LMBRD1: variants seen among roughly 807,000 people sequenced by gnomAD.
LMBRD1 encodes lysosomal cobalamin transport escort protein LMBD1.
A neutral mutation model predicts 74.8 loss-of-function variants in LMBRD1; 64 were observed. The ratio of observed to expected loss-of-function variants is 0.86; its 90% CI spans 0.70 to 1.05. The LOEUF (loss-of-function observed/expected upper bound fraction) is 1.05, where lower values mean the gene tolerates loss of function less well. Among genes scored for constraint, LMBRD1 ranks in the 50% least tolerant of loss-of-function variants. The pLI is 0.00. For missense variants in LMBRD1, 652 were observed against 645.9 expected, an observed-to-expected ratio of 1.01 and a Z score of -0.10; for synonymous variants, 204 against 216.3, an observed-to-expected ratio of 0.94 and a Z score of 0.50.
At chr6:69,692,728 T>A (rs1338978729) in intron 14 of LMBRD1, among the ~76,000 whole-genome samples, 2 of 152,160 alleles carry the variant, frequency 1.3e-5, no homozygotes, top group Non-Finnish European at 2.9e-5. Context: ...CAGGGCAGAA[T>A]AAATCACCAT....
intron 2 of LMBRD1, 30 bp from the exon 3 acceptor site, chr6:69,780,584 A>C (rs767829749): frequency 1.7e-5 from 26 of 1,516,356 alleles, no homozygotes; most frequent in Non-Finnish European, 2.3e-5. Context: ...TAGAAATATT[A>C]ATGAAACACC....
chr6:69,741,872 A>C lies in LMBRD1; in HGVS notation c.479T>G (p.Phe160Cys). The change falls in exon 6 of 16, where the codon TTT becomes TGT. Residue 160 changes from phenylalanine (F) to cysteine (C), a missense_variant. Around this residue, in one of 3 missense-constraint regions of LMBRD1, gnomAD observed 598 missense variants for 581.8 expected, o/e 1.03. Transcript: ENST00000649934. ...ICALLLLVGAFVPLNVPNNKN... is the reference protein window; with the variant it reads ...ICALLLLVGACVPLNVPNNKN... The stretch of plus-strand genomic sequence containing the variant: ...GTTATTGGGAACATTCAATGGAACA[A>C]AGGCACTACAAAAGAGAAAATAATT... 4.4e-6 allele frequency: 7 copies of C among 1,573,638 alleles called. No individual in the cohort carries two copies. The highest frequency in any genetic ancestry group is 6.1e-6 in the Non-Finnish European group (7 of 1,143,636).
At chr6:69,782,423 TTATTC>T (rs1765856110) in intron 2 of LMBRD1, among the ~76,000 whole-genome samples, 9 of 152,174 alleles carry the variant, frequency 5.9e-5, no homozygotes, top group Admixed American at 5.2e-4. Flanking sequence ...TCCAAGGTGT[TTATTC>T]TACCTGCAAG....
chr6:69,737,719 G>A (rs1767006491), intron 7 of LMBRD1, among the ~76,000 whole-genome samples: 1 of 150,954 alleles, frequency 6.6e-6, no homozygotes, highest in African/African-American at 2.4e-5. Flanking sequence ...CCACCTTCAA[G>A]GTTCATAAGT....
chr6:69,761,047 T>C (rs1765362189), intron 3 of LMBRD1, among the ~76,000 whole-genome samples: 2 of 152,270 alleles, frequency 1.3e-5, no homozygotes, highest in Middle Eastern at 3.4e-3. Flanking sequence ...AAAGAAACTG[T>C]GAAATAAGGT....
chr6:69,781,325 T>G (rs1011547049), intron 2 of LMBRD1, among the ~76,000 whole-genome samples: 3 of 152,160 alleles, frequency 2.0e-5, no homozygotes, highest in African/African-American at 7.2e-5. Context: ...CTCTAAATTC[T>G]GTGCATGTGA....
At chr6:69,705,448 T>G in intron 9 of LMBRD1, 2 of 1,324,070 alleles carry the variant, frequency 1.5e-6, no homozygotes, top group South Asian at 2.4e-5. Context: ...TCTACAGAAC[T>G]AGGTCCTTTT....
At chr6:69,707,757 C>T (rs552282550) in intron 9 of LMBRD1, among the ~76,000 whole-genome samples, 4 of 151,960 alleles carry the variant, frequency 2.6e-5, no homozygotes, top group Admixed American at 6.6e-5. Context: ...GTTATATTTC[C>T]TGTGTTCTTT....
At chr6:69,755,679 T>G (rs1159047351) in intron 3 of LMBRD1, among the ~76,000 whole-genome samples, 1 of 151,276 alleles carries the variant, frequency 6.6e-6, no homozygotes, top group Non-Finnish European at 1.5e-5. Context: ...CTAAATACCA[T>G]GCCAATATTA....
chr6:69,725,339 T>TCACACACACACACA (rs111747887), intron 7 of LMBRD1, among the ~76,000 whole-genome samples: 1 of 148,088 alleles, frequency 6.8e-6, no homozygotes, highest in African/African-American at 2.5e-5. Flanking sequence ...ATGACAATCT[T>TCACACACACACACA]CACACACACA....
chr6:69,779,169 G>A (rs2502546), intron 3 of LMBRD1, among the ~76,000 whole-genome samples: 9 of 135,824 alleles, frequency 6.6e-5, no homozygotes, highest in Admixed American at 6.4e-4. Context: ...CTGGGCAACA[G>A]GGCGAGACTC....
At chr6:69,741,038 C>T (rs73745767) in intron 6 of LMBRD1, among the ~76,000 whole-genome samples, 17,648 of 151,814 alleles carry the variant, frequency 0.12, 2,839 homozygotes, top group African/African-American at 0.36. Flanking sequence ...TCATATAAAA[C>T]CTCTAATTTA....
intron 7 of LMBRD1, 45 bp from the exon 8 acceptor site, chr6:69,719,126 C>T: frequency 1.3e-6 from 2 of 1,567,518 alleles, no homozygotes; most frequent in Non-Finnish European, 1.7e-6. Context: ...ATGTTTCAAA[C>T]ATATTATACA....
chr6:69,787,243 A>T (rs1765971516), intron 2 of LMBRD1, among the ~76,000 whole-genome samples: 1 of 152,172 alleles, frequency 6.6e-6, no homozygotes, highest in South Asian at 2.1e-4. Context: ...GTTTTCAAAA[A>T]TTTTTTCAGT....
chr6:69,733,492 CT>C (rs1766907571), intron 7 of LMBRD1, among the ~76,000 whole-genome samples: 1 of 152,078 alleles, frequency 6.6e-6, no homozygotes, highest in African/African-American at 2.4e-5. Context: ...GTATTATTGG[CT>C]CATTTTTACA....
chr6:69,720,245 T>C (rs1429283650), intron 7 of LMBRD1, among the ~76,000 whole-genome samples: 1 of 152,194 alleles, frequency 6.6e-6, no homozygotes, highest in African/African-American at 2.4e-5. Context: ...AGTTCTATCA[T>C]GTAATATCAA....
intron 3 of LMBRD1, among the ~76,000 whole-genome samples, chr6:69,766,537 C>T (rs1185535842): frequency 3.3e-5 from 5 of 151,814 alleles, no homozygotes; most frequent in Admixed American, 3.3e-4. Flanking sequence ...TTATATGACA[C>T]TGGATTCAGT....
chr6:69,711,969 C>T (rs1766393207), intron 9 of LMBRD1, among the ~76,000 whole-genome samples: 2 of 152,018 alleles, frequency 1.3e-5, no homozygotes, highest in Non-Finnish European at 2.9e-5. Context: ...TTATTCTACC[C>T]GATCCTCTCC....
chr6:69,697,264 C>T (rs186752127), intron 14 of LMBRD1, among the ~76,000 whole-genome samples: 58 of 151,926 alleles, frequency 3.8e-4, no homozygotes, highest in African/African-American at 1.3e-3. Flanking sequence ...TTCCACCAAA[C>T]TCCTTTATGT....
Sources: gnomAD v4.1 joint callset for allele counts (sites outside exome capture counted in the v4.1 genomes callset) on GRCh38, gnomAD v4.1.1 for gene constraint, gnomAD v4.1.1 regional missense constraint, MANE v1.5 for transcripts, NCBI Gene and HGNC (gene_info 2026-07-23, HGNC 2026-07-21) for gene names.